SHBG: variants seen among roughly 807,000 people sequenced by gnomAD.
SHBG encodes sex hormone-binding globulin.
A neutral mutation model predicts 41.9 loss-of-function variants in SHBG; 37 were observed. The ratio of observed to expected loss-of-function variants is 0.88; its 90% confidence interval spans 0.68 to 1.16. SHBG has a LOEUF of 1.16. Ranked by LOEUF, SHBG falls within the 50% of genes most tolerant of loss-of-function variation. The pLI is 0.00. For missense variants in SHBG, 466 were observed against 499.9 expected, an observed-to-expected ratio of 0.93 and a Z score of 0.65; for synonymous variants, 217 against 205.8, an observed-to-expected ratio of 1.05 and a Z score of -0.47.
chr17:7,615,260 C>T (rs1452380218), intron 1 of SHBG, among the ~76,000 whole-genome samples: 1 of 152,126 alleles, frequency 6.6e-6, no homozygotes, highest in African/African-American at 2.4e-5. Flanking sequence ...CGGGCTTGGA[C>T]AAGTTAGGGA....
At chr17:7,625,242 C>T (rs1264251702), upstream of SHBG, among the ~76,000 whole-genome samples, 1 of 151,750 alleles carries the variant, frequency 6.6e-6, no homozygotes, top group Non-Finnish European at 1.5e-5. Flanking sequence ...AGCCACTGAG[C>T]CCGGCCAGGC....
intron 1 of SHBG, among the ~76,000 whole-genome samples, chr17:7,618,469 TG>T (rs61039699): frequency 2.0e-5 from 3 of 150,722 alleles, no homozygotes; most frequent in East Asian, 3.9e-4. Context: ...TTTTTGTTTT[TG>T]TTTTTTTTGT....
At chr17:7,614,477 C>T in intron 1 of SHBG, 2 of 1,541,478 alleles carry the variant, frequency 1.3e-6, no homozygotes, top group Non-Finnish European at 1.7e-6. Context: ...GTTGGAGCCG[C>T]GCACCTCGAC....
chr17:7,622,108 G>A (rs1420610594), intron 1 of SHBG, among the ~76,000 whole-genome samples: 1 of 151,044 alleles, frequency 6.6e-6, no homozygotes, highest in Non-Finnish European at 1.5e-5. Flanking sequence ...GCCTCCCAAA[G>A]TGCTGGGATT....
upstream of SHBG, among the ~76,000 whole-genome samples, chr17:7,628,346 C>T (rs1255071736): frequency 2.0e-5 from 3 of 152,126 alleles, no homozygotes; most frequent in African/African-American, 7.2e-5. Context: ...TCACTGCAGC[C>T]TCCACCTCCC....
In SHBG at chr17:7,632,899, G is replaced by A; in HGVS notation, c.1000G>A (p.Ala334Thr). The A allele has an allele frequency of 6.2e-7, 1 of 1,614,152 alleles. No homozygotes were observed. Among genetic ancestry groups the A allele is most frequent in the South Asian group, 1.1e-5 (1 of 91,080 alleles). ...CCTTGCCCTGCCTCCCTTAGGCCTGGCTCCCCTCCTTAACCTCTGGGCCAA... is the reference window on the plus strand; with the variant it reads ...CCTTGCCCTGCCTCCCTTAGGCCTGACTCCCCTCCTTAACCTCTGGGCCAA... The part of the protein sequence containing the change: ...KALALPPLGL[A>T]PLLNLWAKPQ... Residue 334 changes from alanine to threonine, a missense_variant, in exon 7 of 8, where the codon GCT (alanine) becomes ACT (threonine). Coordinates refer to ENST00000380450, the MANE Select transcript of SHBG (RefSeq NM_001040.5).
upstream of SHBG, chr17:7,627,343 C>T: frequency 1.2e-6 from 2 of 1,614,050 alleles, no homozygotes; most frequent in Non-Finnish European, 1.7e-6. This position sits in a 1 kb window ranked among gnomAD's most constrained non-coding sequence, Gnocchi z 4.8. Flanking sequence ...TCCGCCAGAA[C>T]CTGGGCGCTG....
At chr17:7,626,922 G>T, upstream of SHBG, 1 of 1,610,986 alleles carries the variant, frequency 6.2e-7, no homozygotes, top group East Asian at 2.2e-5. Flanking sequence ...TCCCACCCCA[G>T]CCTCAGCTTC....
At chr17:7,619,922 C>T (rs1326670685) in intron 1 of SHBG, among the ~76,000 whole-genome samples, 1 of 151,698 alleles carries the variant, frequency 6.6e-6, no homozygotes, top group Non-Finnish European at 1.5e-5. Flanking sequence ...TGCCCCACTT[C>T]AGCCTCAACC....
In SHBG at chr17:7,630,839, A is replaced by G; in HGVS notation, c.363A>G (p.Gly121=). 1.2e-6 allele frequency: 2 copies of G among 1,613,656 alleles called. No individual in the cohort carries two copies. Among genetic ancestry groups the G allele is most frequent in the Middle Eastern group, 1.7e-4 (1 of 5,826 alleles). Residue 121 remains glycine (G), a synonymous_variant, in exon 3 of 8, where the codon GGA becomes GGG. Transcript: ENST00000380450. This position sits in a 1 kb window ranked among gnomAD's most constrained non-coding sequence, Gnocchi z 4.6. The part of the protein sequence containing the change: ...NHWAQLTVGA[G]PRLDDGRWHQ... ...GGGCCCAGCTTACGGTGGGTGCTGGACCACGGCTGGATGATGGGAGATGGC... is the reference window on the plus strand; with the variant it reads ...GGGCCCAGCTTACGGTGGGTGCTGGGCCACGGCTGGATGATGGGAGATGGC...
rs2072353882 is a variant in SHBG at position 7,630,214 on chromosome 17, G to A, written c.42G>A (p.Leu14=). The change falls in exon 1 of 8, where the codon CTG becomes CTA. Residue 14 remains leucine (L), a synonymous_variant. Coordinates refer to ENST00000380450, the MANE Select transcript of SHBG (RefSeq NM_001040.5). The surrounding 1 kb of genome is among the most constrained non-coding windows in gnomAD (Gnocchi z 4.6). ...CACTGGCTACCTCGCGCCTGCTGCT[G>A]TTGCTGCTGTTGCTACTACTGCGTC... ...RGPLATSRLL[L]LLLLLLLRHT... The A allele has an allele frequency of 6.2e-7, 1 of 1,612,868 alleles. No individual in the cohort carries two copies. The highest frequency in any genetic ancestry group is 8.5e-7 in the Non-Finnish European group (1 of 1,179,522).
At chr17:7,628,229 A>C (rs1261049492), upstream of SHBG, 2 of 299,864 alleles carry the variant, frequency 6.7e-6, 1 homozygote, top group East Asian at 2.1e-4. Context: ...TCTTGGGGGC[A>C]TTTGCATTTT....
upstream of SHBG, chr17:7,626,964 A>G (rs113136747): frequency 6.2e-7 from 1 of 1,613,970 alleles, no homozygotes; most frequent in East Asian, 2.2e-5. Context: ...GGCATCACAT[A>G]GATATCCTCC....
At chr17:7,627,886 G>A (rs1426126526), upstream of SHBG, 8 of 626,790 alleles carry the variant, frequency 1.3e-5, no homozygotes, top group South Asian at 5.2e-5. This position sits in a 1 kb window ranked among gnomAD's most constrained non-coding sequence, Gnocchi z 4.8. Flanking sequence ...TGTCGCAGCA[G>A]GGGGCACAAC....
upstream of SHBG, chr17:7,626,183 C>G (rs1031606879): frequency 2.4e-5 from 8 of 332,138 alleles, no homozygotes; most frequent in African/African-American, 2.4e-4. Flanking sequence ...GACAGAGACT[C>G]TGTCTCAAAA....
chr17:7,632,910 T>C lies in SHBG; in HGVS notation c.1011T>C (p.Leu337=). The change falls in exon 7 of 8, where the codon CTT becomes CTC. Residue 337 remains leucine (L), a synonymous_variant. Transcript: ENST00000380450. The part of the protein sequence containing the change: ...ALPPLGLAPL[L]NLWAKPQGRL... ...CTCCCTTAGGCCTGGCTCCCCTCCT[T>C]AACCTCTGGGCCAAGCCTCAAGGGC... 6.2e-7 allele frequency: 1 copy of C among 1,614,152 alleles called. No individual in the cohort carries two copies. Among genetic ancestry groups the C allele is most frequent in the Non-Finnish European group, 8.5e-7 (1 of 1,180,016 alleles).
At chr17:7,632,635 G>A in intron 6 of SHBG, 117 bp from the exon 7 acceptor site, 1 of 808,870 alleles carries the variant, frequency 1.2e-6, no homozygotes, top group Non-Finnish European at 2.1e-6. Context: ...AGAATGGCCA[G>A]TAGGTGGAGG....
At chr17:7,616,562 T>C (rs1338728090) in intron 1 of SHBG, among the ~76,000 whole-genome samples, 2 of 139,394 alleles carry the variant, frequency 1.4e-5, no homozygotes, top group African/African-American at 5.5e-5. Flanking sequence ...GAGGCGGAGG[T>C]TGCAGTGAGC....
Position 7,630,723 on chromosome 17 carries a change from G to T in SHBG, c.247G>T (p.Val83Leu). 6.2e-7 allele frequency: 1 copy of T among 1,614,152 alleles called. No individual in the cohort carries two copies. The highest frequency in any genetic ancestry group is 8.5e-7 in the Non-Finnish European group (1 of 1,180,032). ...GGTTCGAACCTGGGACCCAGAGGGA[G>T]TGATTTTTTATGGGGATACCAACCC... ...FEVRTWDPEG[V>L]IFYGDTNPKD... The change falls in exon 3 of 8, where the codon GTG (valine) becomes TTG (leucine). Residue 83 changes from valine to leucine, a missense_variant. Physicochemically the swap from Val to Leu is conservative, Grantham distance 32 (BLOSUM62 1). Transcript: ENST00000380450. This position sits in a 1 kb window ranked among gnomAD's most constrained non-coding sequence, Gnocchi z 4.6.
Sources: allele counts gnomAD v4.1 joint callset (sites outside exome capture counted in the v4.1 genomes callset), GRCh38; gene constraint gnomAD v4.1.1; non-coding constraint Gnocchi (gnomAD v3.1); transcripts MANE v1.5; gene names NCBI Gene and HGNC (gene_info 2026-07-23, HGNC 2026-07-21).